ACTB: variants seen among roughly 807,000 people sequenced by gnomAD.
ACTB encodes actin beta.
A neutral mutation model predicts 30.5 loss-of-function variants in ACTB; 2 were observed. The ratio of observed to expected loss-of-function variants is 0.07; its 90% CI spans 0.03 to 0.21. The LOEUF (loss-of-function observed/expected upper bound fraction) is 0.21. Ranked by LOEUF, ACTB falls within the 10% of genes least tolerant of loss-of-function variation. The pLI, the probability that ACTB is intolerant of heterozygous loss-of-function variation, is 1.00. For missense variants in ACTB, 56 were observed against 530.0 expected (o/e 0.11, Z 8.78); for synonymous variants, 335 against 217.6 (o/e 1.54, Z -4.75).
At chr7:5,529,763 C>A (rs1046977306) in intron 1 of ACTB, 100 bp from the exon 2 acceptor site, 3 of 1,571,904 alleles carry the variant, frequency 1.9e-6, no homozygotes, top group Non-Finnish European at 2.6e-6. Context: ...CCGGCGCGCG[C>A]CCAGATTGGG....
At chr7:5,529,933 G>T (rs1006000342) in intron 1 of ACTB, 16 of 368,684 alleles carry the variant, frequency 4.3e-5, no homozygotes, top group Non-Finnish European at 7.4e-5. Context: ...CGGCGCGCGC[G>T]CACGCAGCGG....
intron 3 of ACTB, chr7:5,528,948 ACT>A (rs1159295059): frequency 6.5e-7 from 1 of 1,531,254 alleles, no homozygotes; most frequent in African/African-American, 1.4e-5. Context: ...CACCCACAAC[ACT>A]GTCTTAGACA....
rs151181948 is a variant in ACTB, at chr7:5,529,634, G to C, written c.24C>G (p.Leu8=). ...ACATGCCGGAGCCGTTGTCGACGAC[G>C]AGCGCGGCGATATCATCATCCATGG... MDDDIAA[L]VVDNGSGMCK... The change falls in exon 2 of 6, where the codon CTC becomes CTG. Residue 8 remains leucine (L), a synonymous_variant. Transcript: ENST00000646664. The C allele has an allele frequency of 1.8e-5, 29 of 1,611,220 alleles. No homozygotes were observed. Among genetic ancestry groups the C allele is most frequent in the Admixed American group, 3.3e-5 (2 of 59,984 alleles).
At chr7:5,530,233 C>G (rs985190787) in intron 1 of ACTB, among the ~76,000 whole-genome samples, 1 of 151,964 alleles carries the variant, frequency 6.6e-6, no homozygotes, top group Admixed American at 6.6e-5. Flanking sequence ...ACCCTGCGAT[C>G]CCCATTGGCA....
intron 2 of ACTB, 43 bp from the exon 3 acceptor site, chr7:5,529,443 C>T (rs1172766807): frequency 6.2e-7 from 1 of 1,613,568 alleles, no homozygotes; most frequent in South Asian, 1.1e-5. Context: ...GGGCGCAGCC[C>T]CCACCCCGGA....
Position 5,529,644 on chromosome 7 carries a change from A to G in ACTB, c.14T>C (p.Ile5Thr). MDDD[I>T]AALVVDNGSG... ...GCCGTTGTCGACGACGAGCGCGGCG[A>G]TATCATCATCCATGGTGAGCTGCGA... The change falls in exon 2 of 6, where the codon ATC (isoleucine) becomes ACC (threonine). Residue 5 changes from isoleucine to threonine, a missense_variant. Around this residue, in one of 5 missense-constraint regions of ACTB, gnomAD observed 10 missense variants for 80.2 expected, o/e 0.12. Transcript: ENST00000646664. 1 of 1,611,380 alleles carries G rather than the reference A, an allele frequency of 6.2e-7. No homozygotes were observed. Among genetic ancestry groups the G allele is most frequent in the Non-Finnish European group, 8.5e-7 (1 of 1,179,712 alleles).
At chr7:5,530,407 T>G (rs1784867984) in intron 1 of ACTB, 117 bp downstream of exon 1, 1 of 150,626 alleles carries the variant, frequency 6.6e-6, no homozygotes, top group African/African-American at 2.4e-5. Context: ...GCGGTCCGGT[T>G]CCCCCCCCAT....
At position 5,527,566 on chromosome 7, in the gene ACTB, C is replaced by A; in HGVS notation, c.*182G>T. 1.0e-6 allele frequency: 1 copy of A among 979,534 alleles called. No individual in the cohort carries two copies. Among genetic ancestry groups the A allele is most frequent in the Non-Finnish European group, 1.5e-6 (1 of 664,580 alleles). The allele number at this position is 979,534 out of a possible 1,614,324, so 60.7% of individuals were successfully genotyped here. A position where few individuals can be genotyped will look rare whatever the true frequency, so the allele number is the denominator to read the frequency against. On this transcript the variant is annotated 3_prime_UTR_variant, in exon 6 of 6. Transcript: ENST00000646664. ...CACATTGTGAACTTTGGGGGATGCT[C>A]GCTCCAACCGACTGCTGTCACCTTC...
chr7:5,530,115 A>T (rs2128241568), intron 1 of ACTB: 1 of 152,558 alleles, frequency 6.6e-6, no homozygotes, highest in African/African-American at 2.4e-5. Flanking sequence ...GCGCACGCGC[A>T]ATTAGCGCCA....
At chr7:5,530,364 G>A (rs973858719) in intron 1 of ACTB, among the ~76,000 whole-genome samples, 160 bp downstream of exon 1, 6 of 151,992 alleles carry the variant, frequency 3.9e-5, no homozygotes, top group African/African-American at 7.2e-5. Flanking sequence ...CCCCATCTCC[G>A]GAGGCCCAGG....
rs1311977464 is a variant in ACTB at position 5,527,757 on chromosome 7, T to C, written c.1119A>G (p.Lys373=). ...DESGPSIVHR[K]CF ...CTAAGTCATAGTCCGCCTAGAAGCATTTGCGGTGGACGATGGAGGGGCCGG... is the reference window on the plus strand; with the variant it reads ...CTAAGTCATAGTCCGCCTAGAAGCACTTGCGGTGGACGATGGAGGGGCCGG... The change falls in exon 6 of 6, where the codon AAA becomes AAG. Residue 373 remains lysine (K), a synonymous_variant. Transcript: ENST00000646664. 2 of 1,613,610 alleles carry C rather than the reference T, an allele frequency of 1.2e-6. No homozygotes were observed. Among genetic ancestry groups the C allele is most frequent in the Admixed American group, 1.7e-5 (1 of 59,976 alleles).
Position 5,529,571 on chromosome 7 carries a change from G to A in ACTB, c.87C>T (p.Ala29=), listed in dbSNP as rs1191498404. ...AGFAGDDAPR[A]VFPSIVGRPR... ...GGCGCCCCACGATGGAGGGGAAGACGGCCCGGGGGGCATCGTCGCCCGCGA... is the reference window on the plus strand; with the variant it reads ...GGCGCCCCACGATGGAGGGGAAGACAGCCCGGGGGGCATCGTCGCCCGCGA... Residue 29 remains alanine (A), a synonymous_variant, in exon 2 of 6, where the codon GCC becomes GCT. Transcript: ENST00000646664. The A allele has an allele frequency of 4.3e-6, 7 of 1,611,552 alleles. No homozygotes were observed. The highest frequency in any genetic ancestry group is 2.2e-5 in the East Asian group (1 of 44,868).
rs753367564 is a variant in ACTB, at chr7:5,528,748, C to A, written c.364-29G>T. 1.9e-6 allele frequency: 3 copies of A among 1,611,126 alleles called. No individual in the cohort carries two copies. The South Asian group carries it at 3.3e-5, about 18-fold the overall frequency. Reference sequence around the variant, plus strand: ...TAAGGCAGAGATACACCATGTCACACTGGGGAAGCCACTGGGGACAGCCAG... The same window carrying A: ...TAAGGCAGAGATACACCATGTCACAATGGGGAAGCCACTGGGGACAGCCAG... On this transcript the variant is annotated intron_variant, in intron 3 of 5. Coordinates refer to ENST00000646664, the MANE Select transcript of ACTB (RefSeq NM_001101.5).
chr7:5,527,426 C>T lies in ACTB; in HGVS notation c.*322G>A. The T allele has an allele frequency of 2.2e-6, 1 of 456,586 alleles. No homozygotes were observed. Among genetic ancestry groups the T allele is most frequent in the Non-Finnish European group, 4.0e-6 (1 of 250,052 alleles). The allele number at this position is 456,586 out of a possible 1,614,324, so 28.3% of individuals were successfully genotyped here. A position where few individuals can be genotyped will look rare whatever the true frequency, so the allele number is the denominator to read the frequency against. On this transcript the variant is annotated 3_prime_UTR_variant, in exon 6 of 6. Transcript: ENST00000646664. Reference sequence around the variant, plus strand: ...GGACTTGGGAGAGGACTGGGCCATTCTCCTTAGAGAGAAGTGGGGTGGCTT... The same window carrying T: ...GGACTTGGGAGAGGACTGGGCCATTTTCCTTAGAGAGAAGTGGGGTGGCTT...
intron 3 of ACTB, 111 bp from the exon 4 acceptor site, chr7:5,528,830 T>C: frequency 6.8e-7 from 1 of 1,462,070 alleles, no homozygotes; most frequent in Non-Finnish European, 9.6e-7. Flanking sequence ...GCTGGGGTCT[T>C]GGGATGGGGA....
At chr7:5,528,214 C>T (rs1424568531) in intron 4 of ACTB, 29 bp from the exon 5 acceptor site, 2 of 1,613,890 alleles carry the variant, frequency 1.2e-6, no homozygotes, top group Non-Finnish European at 1.7e-6. Context: ...CAGGACTTAG[C>T]TTCCACAGCA....
At chr7:5,530,188 C>G (rs545404959) in intron 1 of ACTB, among the ~76,000 whole-genome samples, 3 of 152,000 alleles carry the variant, frequency 2.0e-5, no homozygotes, top group Non-Finnish European at 4.4e-5. Flanking sequence ...GGCGCCCCAG[C>G]CCCCACCGGG....
intron 1 of ACTB, among the ~76,000 whole-genome samples, chr7:5,530,269 G>C (rs903984025): frequency 3.3e-5 from 5 of 151,870 alleles, no homozygotes; most frequent in Non-Finnish European, 7.4e-5. Context: ...CAAAGACCCC[G>C]CCGGTTGCCC....
intron 2 of ACTB, 62 bp downstream of exon 2, chr7:5,529,473 A>T (rs1784836603): frequency 3.1e-6 from 5 of 1,613,028 alleles, no homozygotes; most frequent in South Asian, 2.2e-5. Flanking sequence ...GCTCCTGTGC[A>T]GAGAAAGCGC....
Sources: allele counts gnomAD v4.1 joint callset (sites outside exome capture counted in the v4.1 genomes callset), GRCh38; gene constraint gnomAD v4.1.1; regional missense constraint gnomAD v4.1.1; transcripts MANE v1.5; gene names NCBI Gene and HGNC (gene_info 2026-07-23, HGNC 2026-07-21).